Variants in FUT8 observed in about 807,000 individuals in gnomAD.
FUT8 encodes the protein fucosyltransferase 8, also known as alpha-(1,6)-fucosyltransferase.
A neutral mutation model predicts 71.3 loss-of-function variants in FUT8; 29 were observed. That is an observed-to-expected ratio of 0.41 (90% CI 0.30 to 0.55). FUT8 has a LOEUF of 0.55. Among genes scored for constraint, FUT8 ranks in the 20% least tolerant of loss-of-function variants. The probability of loss-of-function intolerance (pLI) is 0.34; values close to 1 mark genes in which losing one functional copy is unlikely to be tolerated. For synonymous variants in FUT8, 254 were observed against 239.3 expected, an observed-to-expected ratio of 1.06 and a Z score of -0.57; for missense variants, 544 against 702.1, an observed-to-expected ratio of 0.77 and a Z score of 2.55.
At chr14:65,722,107 T>A (rs993206372) in intron 8 of FUT8, 86 bp downstream of exon 8, 3 of 1,495,504 alleles carry the variant, frequency 2.0e-6, no homozygotes, top group Non-Finnish European at 2.7e-6. Flanking sequence ...TTTTACAATA[T>A]GTAGTTCAAT....
chr14:65,597,911 G>A (rs1226283353), intron 3 of FUT8, among the ~76,000 whole-genome samples: 1 of 152,144 alleles, frequency 6.6e-6, no homozygotes, highest in Non-Finnish European at 1.5e-5. Context: ...GCTCATGCCT[G>A]TAATCCCAGC....
rs1232417546 is a variant in FUT8 at position 65,638,370 on chromosome 14, G to A, written c.597+8764G>A. 5.3e-5 allele frequency among the ~76,000 whole-genome samples: 8 copies of A among 152,038 alleles called. No homozygotes were observed. The highest frequency in any genetic ancestry group is 1.7e-4 in the African/African-American group (7 of 41,438). ...CAGAAAGATTTTTTGGTTTGCCCCC[G>A]TGTTTTGCTTGCTTTGGTTTATGTT... is the stretch of plus-strand genomic sequence containing the variant. On this transcript the variant is annotated intron_variant, in intron 6 of 10. Coordinates refer to ENST00000673929, the MANE Select transcript of FUT8 (RefSeq NM_001371533.1). The surrounding 1 kb of genome is among the most constrained non-coding windows in gnomAD (Gnocchi z 4.5).
chr14:65,728,158 T>C (rs1027712235), intron 9 of FUT8, among the ~76,000 whole-genome samples: 2 of 152,202 alleles, frequency 1.3e-5, no homozygotes, highest in South Asian at 4.1e-4. Flanking sequence ...TCCAAACTGT[T>C]CCACCCTCTG....
the FUT8 span, among the ~76,000 whole-genome samples, chr14:65,370,294 G>A: frequency 2.3e-5 from 3 of 130,524 alleles, no homozygotes; most frequent in South Asian, 2.7e-4. Context: ...TGCAAGCTCC[G>A]CCTCCCGGGT....
intron 1 of FUT8, among the ~76,000 whole-genome samples, chr14:65,425,994 A>G (rs939497929): frequency 4.0e-5 from 6 of 151,498 alleles, no homozygotes; most frequent in African/African-American, 1.2e-4. Context: ...AAAAAAATCT[A>G]CTTTCTTAGC....
chr14:65,390,346 T>TTGTA, the FUT8 span, among the ~76,000 whole-genome samples: 2 of 150,646 alleles, frequency 1.3e-5, no homozygotes, highest in Non-Finnish European at 3.0e-5. Context: ...AAATACATGC[T>TTGTA]TGTAAGTAAG....
intron 6 of FUT8, among the ~76,000 whole-genome samples, chr14:65,657,943 C>A (rs1346415248): frequency 6.6e-6 from 1 of 151,612 alleles, no homozygotes; most frequent in Non-Finnish European, 1.5e-5. Flanking sequence ...ACTATGTACT[C>A]AAAAAAATTA....
At chr14:65,618,817 G>C (rs1889445294) in intron 5 of FUT8, among the ~76,000 whole-genome samples, 1 of 152,210 alleles carries the variant, frequency 6.6e-6, no homozygotes, top group African/African-American at 2.4e-5. Flanking sequence ...ACCATGGTCA[G>C]TGAGGCTGCC....
intron 2 of FUT8, among the ~76,000 whole-genome samples, chr14:65,543,001 C>T (rs61990030): frequency 0.98 from 149,580 of 152,032 alleles, 73,645 homozygotes; most frequent in Middle Eastern, 1. Flanking sequence ...AGGCTGGTCT[C>T]AAACCCCTGA....
chr14:65,522,933 T>C (rs1177932886), intron 2 of FUT8, among the ~76,000 whole-genome samples: 1 of 152,160 alleles, frequency 6.6e-6, no homozygotes, highest in Non-Finnish European at 1.5e-5. Context: ...TAGTATTCCA[T>C]GGTGTATATG....
intron 3 of FUT8, among the ~76,000 whole-genome samples, chr14:65,575,227 C>T (rs1886692571): frequency 6.6e-6 from 1 of 151,560 alleles, no homozygotes; most frequent in Non-Finnish European, 1.5e-5. Context: ...TGTGAAGTTC[C>T]TTTCCTCTCT....
chr14:65,675,765 G>A (rs551560232), intron 7 of FUT8, among the ~76,000 whole-genome samples: 6 of 152,108 alleles, frequency 3.9e-5, no homozygotes, highest in South Asian at 2.1e-4. Context: ...CGAGGTGGGC[G>A]GATTACCAGA....
At chr14:65,615,409 A>C (rs1487850435) in intron 3 of FUT8, among the ~76,000 whole-genome samples, 7 of 151,980 alleles carry the variant, frequency 4.6e-5, no homozygotes, top group Admixed American at 1.3e-4. Context: ...ACCTGGCCCA[A>C]TTTTTTTCTA....
intron 2 of FUT8, among the ~76,000 whole-genome samples, chr14:65,500,658 C>T (rs549147836): frequency 6.6e-6 from 1 of 152,276 alleles, no homozygotes; most frequent in Admixed American, 6.5e-5. Context: ...TATTTCCTAT[C>T]CCTTTTCATC....
chr14:65,383,715 C>T, the FUT8 span, among the ~76,000 whole-genome samples: 1 of 152,194 alleles, frequency 6.6e-6, no homozygotes, highest in Non-Finnish European at 1.5e-5. Context: ...ATCATGAGTT[C>T]CTTCTTGTCT....
At chr14:65,632,519 C>T (rs1008442423) in intron 6 of FUT8, among the ~76,000 whole-genome samples, 35 of 151,970 alleles carry the variant, frequency 2.3e-4, no homozygotes, top group African/African-American at 7.7e-4. Context: ...ATTTGTATAT[C>T]GTCTTTTGAG....
chr14:65,635,273 C>T (rs1159026463), intron 6 of FUT8, among the ~76,000 whole-genome samples: 3 of 152,082 alleles, frequency 2.0e-5, no homozygotes, highest in African/African-American at 7.2e-5. Flanking sequence ...GGTAAATGAT[C>T]ATATCGTCAG....
In FUT8 at chr14:65,561,557, T is replaced by C. The variant is rs1229832446; in HGVS notation, c.-7T>C. The C allele has an allele frequency of 5.0e-6, 8 of 1,612,804 alleles. No individual in the cohort carries two copies. In the Admixed American group the frequency reaches 5.0e-5, roughly 10 times the overall value. On this transcript the variant is annotated 5_prime_UTR_variant, in exon 3 of 11. Transcript: ENST00000673929. ...GGACTCCAGGGAAGTGAGTTGAAAA[T>C]CTGAAAATGCGGCCATGGACTGGTT... is the stretch of plus-strand genomic sequence containing the variant.
upstream of FUT8, chr14:65,411,845 G>A (rs936365586): frequency 4.8e-5 from 17 of 355,924 alleles, no homozygotes; most frequent in East Asian, 1.0e-3. Flanking sequence ...GATTGGCCTC[G>A]GCGGCACCCC....
Sources: allele counts gnomAD v4.1 joint callset (sites outside exome capture counted in the v4.1 genomes callset), GRCh38; gene constraint gnomAD v4.1.1; non-coding constraint Gnocchi (gnomAD v3.1); transcripts MANE v1.5; gene names NCBI Gene and HGNC (gene_info 2026-07-23, HGNC 2026-07-21).